FAM184B: variants seen among roughly 807,000 people sequenced by gnomAD.
FAM184B encodes protein FAM184B.
FAM184B carries 111 observed loss-of-function variants against 135.9 expected under a neutral mutation model. The ratio of observed to expected loss-of-function variants is 0.82; its 90% CI spans 0.70 to 0.96. The LOEUF (loss-of-function observed/expected upper bound fraction) is 0.96. FAM184B is among the 40% of genes least tolerant of loss of function. The probability of loss-of-function intolerance (pLI) is 0.00; values close to 1 mark genes in which losing one functional copy is unlikely to be tolerated. For synonymous variants in FAM184B, 552 were observed against 524.8 expected, an observed-to-expected ratio of 1.05 and a Z score of -0.71; for missense variants, 1,375 against 1,323.9, an observed-to-expected ratio of 1.04 and a Z score of -0.60.
intron 12 of FAM184B, among the ~76,000 whole-genome samples, chr4:17,646,026 G>A (rs2108933312): frequency 6.6e-6 from 1 of 152,168 alleles, no homozygotes; most frequent in East Asian, 1.9e-4. Flanking sequence ...AAACCACAAT[G>A]AGATACCATC....
intron 7 of FAM184B, among the ~76,000 whole-genome samples, chr4:17,680,869 C>T (rs1716420039): frequency 6.6e-6 from 1 of 152,190 alleles, no homozygotes; most frequent in Non-Finnish European, 1.5e-5. Context: ...AAGAAACACC[C>T]ACGCCCAGGA....
chr4:17,713,085 C>T lies in FAM184B; in HGVS notation c.142-3441G>A, dbSNP rs150806519. Among the ~76,000 whole-genome samples the T allele has an allele frequency of 5.9e-5, 9 of 152,322 alleles. No homozygotes were observed. In the East Asian group the frequency reaches 1.5e-3, roughly 26 times the overall value. Reference sequence around the variant, plus strand: ...ATCAGTTTTTTGTCTGTCTTCCTCACCAGAATGTAAACTCCAGGAGAGAGA... The same window carrying T: ...ATCAGTTTTTTGTCTGTCTTCCTCATCAGAATGTAAACTCCAGGAGAGAGA... On this transcript the variant is annotated intron_variant, in intron 1 of 17. Coordinates refer to ENST00000265018, the MANE Select transcript of FAM184B (RefSeq NM_015688.2).
intron 7 of FAM184B, among the ~76,000 whole-genome samples, chr4:17,688,020 T>C (rs1292137362): frequency 2.0e-5 from 3 of 151,968 alleles, no homozygotes; most frequent in South Asian, 2.1e-4. Flanking sequence ...ACAAGGGCTG[T>C]TGTGAGAGTA....
Position 17,704,985 on chromosome 4 carries a change from G to C in FAM184B, c.1377+15C>G. The C allele has an allele frequency of 1.9e-6, 3 of 1,548,802 alleles. No homozygotes were observed. Among genetic ancestry groups the C allele is most frequent in the Non-Finnish European group, 2.6e-6 (3 of 1,145,534 alleles). On this transcript the variant is annotated intron_variant, in intron 5 of 17. Coordinates refer to ENST00000265018, the MANE Select transcript of FAM184B (RefSeq NM_015688.2). ...AAAAAAGAACCAGAACAGTCTCTAT[G>C]GAAGTAGGTCTCACCCTCTGCAGTT...
chr4:17,692,369 T>C (rs1299310742), intron 6 of FAM184B, among the ~76,000 whole-genome samples: 1 of 152,126 alleles, frequency 6.6e-6, no homozygotes, highest in Non-Finnish European at 1.5e-5. Flanking sequence ...CCCTGAAATA[T>C]CAACTCTAAG....
At chr4:17,668,689 C>T (rs200100938) in intron 7 of FAM184B, among the ~76,000 whole-genome samples, 12 of 152,240 alleles carry the variant, frequency 7.9e-5, no homozygotes, top group East Asian at 1.9e-4. Flanking sequence ...TGTGACAACA[C>T]GCCCGGCTAA....
intron 3 of FAM184B, among the ~76,000 whole-genome samples, chr4:17,706,829 A>G (rs1717130594): frequency 6.6e-6 from 1 of 152,102 alleles, no homozygotes; most frequent in Admixed American, 6.5e-5. Context: ...GCTATTGCCC[A>G]GGCTGGAGTG....
chr4:17,672,560 C>T (rs1458568876), intron 7 of FAM184B, among the ~76,000 whole-genome samples: 2 of 152,010 alleles, frequency 1.3e-5, no homozygotes. Context: ...CTTTGTATAC[C>T]AATTTTGCTG....
chr4:17,710,701 T>A (rs1202870409), intron 1 of FAM184B, among the ~76,000 whole-genome samples: 1 of 152,140 alleles, frequency 6.6e-6, no homozygotes, highest in Non-Finnish European at 1.5e-5. Flanking sequence ...CTTTGCTGTG[T>A]GAAGAACTGA....
intron 1 of FAM184B, among the ~76,000 whole-genome samples, chr4:17,717,182 A>G (rs1372551897): frequency 6.6e-6 from 1 of 152,206 alleles, no homozygotes; most frequent in East Asian, 1.9e-4. Flanking sequence ...CCTGTAAAAT[A>G]GAGAGAATCC....
chr4:17,742,162 ATATATATTTTT>A (rs1168903198), intron 1 of FAM184B, among the ~76,000 whole-genome samples: 389 of 3,298 alleles, frequency 0.12, 1 homozygote, highest in African/African-American at 0.18. Flanking sequence ...ATATATATAT[ATATATATTTTT>A]TTTTTTTAAA....
At chr4:17,675,167 G>A (rs78656602) in intron 7 of FAM184B, among the ~76,000 whole-genome samples, 2,532 of 152,122 alleles carry the variant, frequency 0.017, 81 homozygotes, top group African/African-American at 0.058. Context: ...CACCCTTATT[G>A]TGCCAAGAAA....
chr4:17,731,457 G>A (rs1248756511), intron 1 of FAM184B, among the ~76,000 whole-genome samples: 1 of 152,102 alleles, frequency 6.6e-6, no homozygotes, highest in Non-Finnish European at 1.5e-5. Flanking sequence ...GACACACATA[G>A]GCTCAAAATA....
chr4:17,774,992 C>CTTTTTT (rs71167338), intron 1 of FAM184B, among the ~76,000 whole-genome samples: 3,264 of 81,526 alleles, frequency 0.04, 10 homozygotes, highest in Middle Eastern at 0.053. Context: ...TTTTCCTTTT[C>CTTTTTT]TTTTTTTTTT....
intron 11 of FAM184B, among the ~76,000 whole-genome samples, chr4:17,652,136 T>TC (rs1715635847): frequency 1.0e-5 from 1 of 98,708 alleles, no homozygotes; most frequent in East Asian, 4.9e-4. Flanking sequence ...TATCTTTTTT[T>TC]TTTTTTTTTT....
intron 11 of FAM184B, among the ~76,000 whole-genome samples, chr4:17,648,499 C>T (rs1223859456): frequency 6.8e-6 from 1 of 146,496 alleles, no homozygotes; most frequent in East Asian, 2.1e-4. Flanking sequence ...CAAGCACCAC[C>T]ACACCTGGCT....
chr4:17,768,286 C>A (rs567098604), intron 1 of FAM184B, among the ~76,000 whole-genome samples: 2 of 152,212 alleles, frequency 1.3e-5, no homozygotes, highest in African/African-American at 4.8e-5. Context: ...CCCCACCCCC[C>A]CTTTTATTTG....
At chr4:17,717,390 G>A (rs753199545) in intron 1 of FAM184B, among the ~76,000 whole-genome samples, 12 of 152,082 alleles carry the variant, frequency 7.9e-5, no homozygotes, top group Non-Finnish European at 1.6e-4. Context: ...TGAGCAGTCC[G>A]CTCTTCTCCT....
chr4:17,731,358 C>T (rs186312006), intron 1 of FAM184B, among the ~76,000 whole-genome samples: 18 of 152,188 alleles, frequency 1.2e-4, no homozygotes, highest in South Asian at 1.0e-3. Context: ...GGGCTAAATG[C>T]TCCAATTAAA....
Sources: allele counts gnomAD v4.1 joint callset (sites outside exome capture counted in the v4.1 genomes callset), GRCh38; gene constraint gnomAD v4.1.1; transcripts MANE v1.5; gene names NCBI Gene and HGNC (gene_info 2026-07-23, HGNC 2026-07-21).